Variants in CNTN5 observed in about 807,000 individuals in gnomAD.
CNTN5 encodes the protein contactin 5, also known as contactin-5.
In CNTN5, 77 loss-of-function variants were observed where a neutral mutation model predicts 129.1. The ratio of observed to expected loss-of-function variants is 0.60; its 90% CI spans 0.50 to 0.72. The LOEUF is 0.72. Among genes scored for constraint, CNTN5 ranks in the 30% least tolerant of loss-of-function variants. The probability of loss-of-function intolerance (pLI) is 0.00; values close to 1 mark genes in which losing one functional copy is unlikely to be tolerated. For synonymous variants in CNTN5, 509 were observed against 465.6 expected (o/e 1.09, Z -1.20); for missense variants, 1,478 against 1,328.8 (o/e 1.11, Z -1.75).
intron 6 of CNTN5, among the ~76,000 whole-genome samples, chr11:99,894,135 A>G (rs944622153): frequency 1.3e-5 from 2 of 151,996 alleles, no homozygotes; most frequent in African/African-American, 4.8e-5. Flanking sequence ...TCCCGTTCCC[A>G]CCTAGTAGGT....
chr11:100,145,676 A>G (rs1401259760), intron 13 of CNTN5, among the ~76,000 whole-genome samples: 1 of 152,138 alleles, frequency 6.6e-6, no homozygotes, highest in Admixed American at 6.6e-5. Context: ...ACAGAGATAC[A>G]GAAAGGCTTA....
intron 2 of CNTN5, among the ~76,000 whole-genome samples, chr11:99,357,626 A>G (rs978529325): frequency 6.6e-6 from 1 of 152,150 alleles, no homozygotes; most frequent in African/African-American, 2.4e-5. Flanking sequence ...AAAATAAGAT[A>G]ATAAAATTTC....
chr11:99,363,061 C>T (rs972160628), intron 2 of CNTN5, among the ~76,000 whole-genome samples: 7 of 151,854 alleles, frequency 4.6e-5, no homozygotes, highest in African/African-American at 1.5e-4. Flanking sequence ...AAAAAAAATC[C>T]GTAGGATTTT....
At chr11:100,209,593 T>C (rs1161234208) in intron 15 of CNTN5, among the ~76,000 whole-genome samples, 1 of 152,146 alleles carries the variant, frequency 6.6e-6, no homozygotes, top group Non-Finnish European at 1.5e-5. Flanking sequence ...GGTTAATTGG[T>C]TTTTCACAAA....
intron 1 of CNTN5, among the ~76,000 whole-genome samples, chr11:99,116,272 T>G (rs1858041756): frequency 6.6e-6 from 1 of 152,206 alleles, no homozygotes; most frequent in Admixed American, 6.5e-5. Flanking sequence ...CACAATAATA[T>G]TTTATATCGA....
intron 17 of CNTN5, 142 bp downstream of exon 17, chr11:100,256,060 CT>C: frequency 1.3e-6 from 1 of 754,156 alleles, no homozygotes. Flanking sequence ...TTCTTTGCTT[CT>C]TTTTATGAAC....
At chr11:99,571,337 G>A (rs538119506) in intron 3 of CNTN5, among the ~76,000 whole-genome samples, 1 of 152,246 alleles carries the variant, frequency 6.6e-6, no homozygotes, top group South Asian at 2.1e-4. Context: ...TATCAATAAT[G>A]CCTAGAATAA....
intron 16 of CNTN5, among the ~76,000 whole-genome samples, chr11:100,229,279 TTA>T (rs1456052714): frequency 1.3e-5 from 2 of 152,230 alleles, no homozygotes; most frequent in Non-Finnish European, 2.9e-5. Context: ...AATCACTAAT[TTA>T]TGTTTCTATT....
intron 3 of CNTN5, among the ~76,000 whole-genome samples, chr11:99,818,540 G>A (rs1461428747): frequency 6.6e-6 from 1 of 151,652 alleles, no homozygotes; most frequent in Non-Finnish European, 1.5e-5. Flanking sequence ...AAAGGCATGA[G>A]CCGACGTGCC....
intron 2 of CNTN5, among the ~76,000 whole-genome samples, chr11:99,355,836 G>GT (rs1034821940): frequency 4.6e-4 from 37 of 79,774 alleles, no homozygotes; most frequent in Admixed American, 1.9e-3. Context: ...TTTTTTTTTT[G>GT]TTTTTTTTGA....
At chr11:100,040,208 G>T (rs1310303266) in intron 9 of CNTN5, among the ~76,000 whole-genome samples, 1 of 152,176 alleles carries the variant, frequency 6.6e-6, no homozygotes, top group Non-Finnish European at 1.5e-5. Context: ...TCAGCTGCAG[G>T]TCTGTTGGAG....
chr11:99,977,201 C>T (rs7123405), intron 8 of CNTN5, among the ~76,000 whole-genome samples: 20,566 of 152,226 alleles, frequency 0.14, 1,499 homozygotes, highest in Middle Eastern at 0.17. Context: ...TTCCTCAACT[C>T]TATCTGAGAA....
At chr11:99,367,403 G>A (rs761424032) in intron 2 of CNTN5, among the ~76,000 whole-genome samples, 2 of 152,062 alleles carry the variant, frequency 1.3e-5, no homozygotes, top group Non-Finnish European at 2.9e-5. Context: ...CCTGGCATTA[G>A]ATTCTATGAA....
chr11:100,001,100 C>T (rs561827692), intron 8 of CNTN5, among the ~76,000 whole-genome samples: 1 of 152,148 alleles, frequency 6.6e-6, no homozygotes, highest in Non-Finnish European at 1.5e-5. Flanking sequence ...CACTCAGCTC[C>T]TCGTTACTTA....
chr11:99,832,598 G>T (rs895153039), intron 4 of CNTN5, among the ~76,000 whole-genome samples: 10 of 152,174 alleles, frequency 6.6e-5, no homozygotes, highest in Non-Finnish European at 1.5e-4. Context: ...ATGTTGAAAG[G>T]CAACTTAAAG....
intron 6 of CNTN5, among the ~76,000 whole-genome samples, chr11:99,908,496 T>G (rs758628125): frequency 5.3e-4 from 80 of 152,024 alleles, no homozygotes; most frequent in Non-Finnish European, 9.9e-4. Context: ...TTTAGTCAAT[T>G]AAGACTGATC....
chr11:99,549,747 G>C (rs1948419967), intron 2 of CNTN5, among the ~76,000 whole-genome samples: 1 of 152,144 alleles, frequency 6.6e-6, no homozygotes, highest in Non-Finnish European at 1.5e-5. Flanking sequence ...AATTTATGTG[G>C]AGTCGTGAGC....
At chr11:99,378,751 A>G (rs532985831) in intron 2 of CNTN5, among the ~76,000 whole-genome samples, 2 of 152,250 alleles carry the variant, frequency 1.3e-5, no homozygotes, top group Non-Finnish European at 2.9e-5. Context: ...GGTTTAAAAA[A>G]AAGTGAGAAA....
chr11:100,065,060 C>G (rs959441439), intron 10 of CNTN5, among the ~76,000 whole-genome samples: 5 of 152,040 alleles, frequency 3.3e-5, no homozygotes, highest in Non-Finnish European at 7.4e-5. Flanking sequence ...TTTATATTTA[C>G]TATTTCAACT....
Sources: gnomAD v4.1 joint callset for allele counts (sites outside exome capture counted in the v4.1 genomes callset) on GRCh38, gnomAD v4.1.1 for gene constraint, MANE v1.5 for transcripts, NCBI Gene and HGNC (gene_info 2026-07-23, HGNC 2026-07-21) for gene names.